KCNQ3: variants seen among roughly 807,000 people sequenced by gnomAD.
KCNQ3 encodes potassium voltage-gated channel subfamily Q member 3.
A neutral mutation model predicts 92.5 loss-of-function variants in KCNQ3; 30 were observed. The observed-to-expected ratio is 0.32, with a 90% CI of 0.24 to 0.44. The LOEUF is 0.44. Among genes scored for constraint, KCNQ3 ranks in the 20% least tolerant of loss-of-function variants. KCNQ3 has a pLI of 1.00. For missense variants in KCNQ3, 913 were observed against 1,140.3 expected, an observed-to-expected ratio of 0.80 and a Z score of 2.87; for synonymous variants, 450 against 468.8, an observed-to-expected ratio of 0.96 and a Z score of 0.52.
At chr8:132,303,565 G>T (rs1330225282) in intron 1 of KCNQ3, among the ~76,000 whole-genome samples, 2 of 42,572 alleles carry the variant, frequency 4.7e-5, no homozygotes, top group Admixed American at 3.6e-4. Context: ...AAGAAAATGT[G>T]ATATATATAT....
chr8:132,335,936 G>A (rs1035462324), intron 1 of KCNQ3, among the ~76,000 whole-genome samples: 2 of 152,154 alleles, frequency 1.3e-5, no homozygotes, highest in Admixed American at 1.3e-4. Context: ...ACACCAGGAG[G>A]CCCTTGTGCT....
chr8:132,190,069 AC>A (rs1360033492), intron 1 of KCNQ3, among the ~76,000 whole-genome samples: 1 of 152,030 alleles, frequency 6.6e-6, no homozygotes, highest in Non-Finnish European at 1.5e-5. Flanking sequence ...TGGCGCTGGA[AC>A]CCATGGCTGG....
At chr8:132,452,154 C>T (rs900339674) in intron 1 of KCNQ3, among the ~76,000 whole-genome samples, 11 of 152,132 alleles carry the variant, frequency 7.2e-5, no homozygotes, top group African/African-American at 1.7e-4. Flanking sequence ...TAACCACATT[C>T]GCATCGTTGT....
intron 8 of KCNQ3, among the ~76,000 whole-genome samples, chr8:132,167,808 A>C (rs1256611538): frequency 6.6e-6 from 1 of 152,216 alleles, no homozygotes; most frequent in Non-Finnish European, 1.5e-5. Flanking sequence ...AACCCAAAAG[A>C]ATGGGCCCAT....
chr8:132,388,345 C>T (rs145931324), intron 1 of KCNQ3, among the ~76,000 whole-genome samples: 1 of 152,260 alleles, frequency 6.6e-6, no homozygotes, highest in East Asian at 1.9e-4. Flanking sequence ...TCTAGGAATA[C>T]ATTCTGAAGA....
intron 1 of KCNQ3, among the ~76,000 whole-genome samples, chr8:132,209,654 C>T (rs1026358385): frequency 6.6e-5 from 10 of 152,066 alleles, no homozygotes; most frequent in African/African-American, 1.4e-4. Context: ...CAGTAGAAGC[C>T]ATTCAGTACA....
chr8:132,434,434 T>C (rs1225690274), intron 1 of KCNQ3, among the ~76,000 whole-genome samples: 2 of 152,152 alleles, frequency 1.3e-5, no homozygotes, highest in African/African-American at 4.8e-5. Flanking sequence ...GAGGTTATTT[T>C]TTCTCTTTTG....
intron 4 of KCNQ3, among the ~76,000 whole-genome samples, chr8:132,178,606 TG>T (rs1826646772): frequency 6.6e-6 from 1 of 152,192 alleles, no homozygotes; most frequent in African/African-American, 2.4e-5. Flanking sequence ...GGCTGGAAGG[TG>T]GCAGAGCTGA....
chr8:132,277,942 CCATTT>C, intron 1 of KCNQ3: 6 of 985,334 alleles, frequency 6.1e-6, no homozygotes, highest in Non-Finnish European at 7.2e-6. Flanking sequence ...TCACTGCTTT[CCATTT>C]GGCATTCCAC....
At chr8:132,478,439 C>T (rs1467529019) in intron 1 of KCNQ3, among the ~76,000 whole-genome samples, 1 of 152,192 alleles carries the variant, frequency 6.6e-6, no homozygotes, top group Non-Finnish European at 1.5e-5. Context: ...GTGCACTCAA[C>T]GAACTTCTTG....
intron 1 of KCNQ3, among the ~76,000 whole-genome samples, chr8:132,443,825 G>A (rs188079469): frequency 2.0e-5 from 3 of 152,088 alleles, no homozygotes; most frequent in Admixed American, 2.0e-4. Flanking sequence ...TATGACCCTG[G>A]TCAGGTCACC....
At chr8:132,440,547 T>C (rs1684806578) in intron 1 of KCNQ3, among the ~76,000 whole-genome samples, 1 of 152,170 alleles carries the variant, frequency 6.6e-6, no homozygotes, top group Admixed American at 6.6e-5. Flanking sequence ...CACCGCCCCA[T>C]TGTGCAGCGT....
At chr8:132,473,901 C>T (rs1379993519) in intron 1 of KCNQ3, among the ~76,000 whole-genome samples, 1 of 152,228 alleles carries the variant, frequency 6.6e-6, no homozygotes, top group Non-Finnish European at 1.5e-5. Flanking sequence ...TCCAGAGCAG[C>T]TGCTGGCTCC....
At chr8:132,139,528 C>T (rs767401302) in intron 11 of KCNQ3, among the ~76,000 whole-genome samples, 6 of 152,186 alleles carry the variant, frequency 3.9e-5, no homozygotes, top group Non-Finnish European at 7.3e-5. Context: ...TGCTTACATG[C>T]TGATAAAGTT....
chr8:132,248,070 G>T (rs7844150), intron 1 of KCNQ3, among the ~76,000 whole-genome samples: 11,332 of 152,130 alleles, frequency 0.074, 536 homozygotes, highest in South Asian at 0.14. Flanking sequence ...TCAAACCCAG[G>T]TGTCTGGATC....
intron 1 of KCNQ3, among the ~76,000 whole-genome samples, chr8:132,209,500 A>AT (rs1343563378): frequency 6.6e-6 from 1 of 151,190 alleles, no homozygotes; most frequent in Non-Finnish European, 1.5e-5. Flanking sequence ...TCATTAAGCC[A>AT]TTTTTTTGTA....
intron 1 of KCNQ3, among the ~76,000 whole-genome samples, chr8:132,264,344 C>T (rs1414676694): frequency 6.6e-6 from 1 of 152,158 alleles, no homozygotes; most frequent in African/African-American, 2.4e-5. Flanking sequence ...AAGCACAGCC[C>T]CATTTCACCA....
At chr8:132,468,948 C>A (rs774757217) in intron 1 of KCNQ3, among the ~76,000 whole-genome samples, 1 of 152,300 alleles carries the variant, frequency 6.6e-6, no homozygotes, top group South Asian at 2.1e-4. Flanking sequence ...CTAGAGAAAA[C>A]GCTTCAAACA....
chr8:132,419,824 G>A (rs1820917571), intron 1 of KCNQ3, among the ~76,000 whole-genome samples: 1 of 152,160 alleles, frequency 6.6e-6, no homozygotes, highest in Non-Finnish European at 1.5e-5. Flanking sequence ...CAACTGATAA[G>A]TCCTGTAATT....
Sources: allele counts gnomAD v4.1 joint callset (sites outside exome capture counted in the v4.1 genomes callset), GRCh38; gene constraint gnomAD v4.1.1; transcripts MANE v1.5; gene names NCBI Gene and HGNC (gene_info 2026-07-23, HGNC 2026-07-21).